The following ZNF703 variants were observed in gnomAD, a reference collection of about 807,000 sequenced individuals.
ZNF703 encodes zinc finger protein 703.
ZNF703 carries 18 observed loss-of-function variants against 30.7 expected under a neutral mutation model. The observed-to-expected ratio is 0.59, with a 90% confidence interval of 0.40 to 0.87. The LOEUF (loss-of-function observed/expected upper bound fraction) is 0.87, where lower values mean the gene tolerates loss of function less well. Ranked by LOEUF, ZNF703 falls within the 40% of genes least tolerant of loss-of-function variation. The probability of loss-of-function intolerance (pLI) is 0.00; values close to 1 mark genes in which losing one functional copy is unlikely to be tolerated. For synonymous variants in ZNF703, 457 were observed against 438.6 expected (o/e 1.04, Z -0.52); for missense variants, 814 against 847.8 (o/e 0.96, Z 0.50).
chr8:37,695,921 C>G lies in ZNF703; in HGVS notation c.-59C>G. 1.5e-6 allele frequency: 2 copies of G among 1,319,526 alleles called. No individual in the cohort carries two copies. The highest frequency in any genetic ancestry group is 2.0e-6 in the Non-Finnish European group (2 of 1,004,236). The allele number at this position is 1,319,526 out of a possible 1,614,324, so 81.7% of individuals were successfully genotyped here. ...GGAGCGAGCCCACCCGCCCCGGGAG[C>G]TCGCCTCCCCGGTGCTCCCCCGCCC... On this transcript the variant is annotated 5_prime_UTR_variant, in exon 1 of 2. Coordinates refer to ENST00000331569, the MANE Select transcript of ZNF703 (RefSeq NM_025069.3).
In ZNF703 at chr8:37,696,354, G is replaced by C. The variant is rs1458552325; in HGVS notation, c.243+132G>C. 1 of 1,400,022 alleles carries C rather than the reference G, an allele frequency of 7.1e-7. No individual in the cohort carries two copies. The highest frequency in any genetic ancestry group is 9.4e-7 in the Non-Finnish European group (1 of 1,067,156). The allele number at this position is 1,400,022 out of a possible 1,614,324, so 86.7% of individuals were successfully genotyped here. On this transcript the variant is annotated intron_variant, in intron 1 of 1. Transcript: ENST00000331569. The surrounding 1 kb of genome is among the most constrained non-coding windows in gnomAD (Gnocchi z 8.2). ...TGGTCACGCTGGCGGGCTGAGTGAG[G>C]AGGGGAAGAAAACCGAGGGATCAGA...
In ZNF703 at chr8:37,698,652, C is replaced by T. The variant is rs145720114; in HGVS notation, c.1751C>T (p.Ala584Val). The part of the protein sequence containing the change: ...YALYGQRLAS[A>V]SALGYQ ...CTGTATGGACAGAGACTAGCTTCAG[C>T]CTCGGCGCTGGGATACCAGTAACTA... is the stretch of plus-strand genomic sequence containing the variant. The change falls in exon 2 of 2, where the codon GCC becomes GTC. Residue 584 changes from alanine (A) to valine (V), a missense_variant. Ala to Val is a moderately conservative substitution (Grantham distance 64). Transcript: ENST00000331569. 20 of 1,478,854 alleles carry T rather than the reference C, an allele frequency of 1.4e-5. No individual in the cohort carries two copies. In the South Asian group the frequency reaches 2.2e-4, roughly 17 times the overall value. The allele number at this position is 1,478,854 out of a possible 1,614,324, so 91.6% of individuals were successfully genotyped here.
Position 37,695,997 on chromosome 8 carries a change from T to C in ZNF703, c.18T>C (p.Ala6=). The C allele has an allele frequency of 1.4e-6, 2 of 1,473,054 alleles. No individual in the cohort carries two copies. The highest frequency in any genetic ancestry group is 1.8e-6 in the Non-Finnish European group (2 of 1,101,100). 91.2% of individuals were successfully genotyped at this position (1,473,054 alleles called of 1,614,324 possible). A position where few individuals can be genotyped will look rare whatever the true frequency, so the allele number is the denominator to read the frequency against. MSDSP[A]GSNPRTPESS... ...TCCTCCAAATGAGCGATTCGCCCGC[T>C]GGATCTAACCCAAGGACACCCGAAA... is the stretch of plus-strand genomic sequence containing the variant. The change falls in exon 1 of 2, where the codon GCT becomes GCC. Residue 6 remains alanine (A), a synonymous_variant. Coordinates refer to ENST00000331569, the MANE Select transcript of ZNF703 (RefSeq NM_025069.3).
rs899202337 is a variant in ZNF703 at position 37,697,346 on chromosome 8, G to A, written c.445G>A (p.Glu149Lys). ...ALKQLGDSPA[E>K]DKSSFKPYSK... Reference sequence around the variant, plus strand: ...GAAGCAGCTGGGGGACTCACCGGCCGAGGACAAGTCCAGCTTCAAGCCCTA... The same window carrying A: ...GAAGCAGCTGGGGGACTCACCGGCCAAGGACAAGTCCAGCTTCAAGCCCTA... Residue 149 changes from glutamate to lysine, a missense_variant, in exon 2 of 2, where the codon GAG becomes AAG. Transcript: ENST00000331569. 3 of 1,559,660 alleles carry A rather than the reference G, an allele frequency of 1.9e-6. No homozygotes were observed. The highest frequency in any genetic ancestry group is 2.8e-5 in the African/African-American group (2 of 72,630).
rs898315111 is a variant in ZNF703 at position 37,698,911 on chromosome 8, C to T, written c.*237C>T. 8 of 389,272 alleles carry T rather than the reference C, an allele frequency of 2.1e-5. No homozygotes were observed. Among genetic ancestry groups the T allele is most frequent in the Non-Finnish European group, 3.2e-5 (7 of 221,616 alleles). 24.1% of individuals were successfully genotyped at this position (389,272 alleles called of 1,614,324 possible). A position where few individuals can be genotyped will look rare whatever the true frequency, so the allele number is the denominator to read the frequency against. On this transcript the variant is annotated 3_prime_UTR_variant, in exon 2 of 2. Coordinates refer to ENST00000331569, the MANE Select transcript of ZNF703 (RefSeq NM_025069.3). ...GGTATGCAAAAAGTCTGTGTTCTCC[C>T]AAATAATAATATTAATCCCACAAAT...
chr8:37,698,020 G>T lies in ZNF703; in HGVS notation c.1119G>T (p.Gln373His). The T allele has an allele frequency of 6.4e-7, 1 of 1,557,244 alleles. No individual in the cohort carries two copies. The highest frequency in any genetic ancestry group is 1.3e-5 in the African/African-American group (1 of 74,074). The change falls in exon 2 of 2, where the codon CAG (glutamine) becomes CAT (histidine). Residue 373 changes from glutamine (Q) to histidine (H), a missense_variant. Gln to His is a conservative substitution (Grantham distance 24). Coordinates refer to ENST00000331569, the MANE Select transcript of ZNF703 (RefSeq NM_025069.3). ...LTGASPPSFL[Q>H]GLCRDPYCLG... Reference sequence around the variant, plus strand: ...GGGCCTCCCCGCCCTCCTTCCTGCAGGGATTATGCCGCGACCCCTATTGCT... The same window carrying T: ...GGGCCTCCCCGCCCTCCTTCCTGCATGGATTATGCCGCGACCCCTATTGCT...
At position 37,696,155 on chromosome 8, in the gene ZNF703, A is replaced by G. The variant is rs1472515264; in HGVS notation, c.176A>G (p.His59Arg). 6.2e-7 allele frequency: 1 copy of G among 1,612,052 alleles called. No individual in the cohort carries two copies. ...AGGGTCCTGAAGATGCTGAGCGCTCACACCGGTCACCTCCTGCACCCGGAG... is the reference window on the plus strand; with the variant it reads ...AGGGTCCTGAAGATGCTGAGCGCTCGCACCGGTCACCTCCTGCACCCGGAG... ...PIRVLKMLSA[H>R]TGHLLHPEYL... Residue 59 changes from histidine to arginine, a missense_variant, in exon 1 of 2, where the codon CAC becomes CGC. Physicochemically the swap from His to Arg is conservative, Grantham distance 29 (BLOSUM62 0). Coordinates refer to ENST00000331569, the MANE Select transcript of ZNF703 (RefSeq NM_025069.3). This position sits in a 1 kb window ranked among gnomAD's most constrained non-coding sequence, Gnocchi z 8.2.
At position 37,699,699 on chromosome 8, in the gene ZNF703, G is replaced by A. The variant is rs890617304; in HGVS notation, c.*1025G>A. On this transcript the variant is annotated 3_prime_UTR_variant, in exon 2 of 2. Transcript: ENST00000331569. ...GCAACGACCCCTCCCCTGGCAGTAG[G>A]GGTGGGGTAGGTGACTCTCGCTAGA... 6.6e-6 allele frequency: 1 copy of A among 152,314 alleles called. No homozygotes were observed. Among genetic ancestry groups the A allele is most frequent in the Non-Finnish European group, 1.5e-5 (1 of 68,124 alleles). The allele number at this position is 152,314 out of a possible 1,614,324, so 9.4% of individuals were successfully genotyped here. A position where few individuals can be genotyped will look rare whatever the true frequency, so the allele number is the denominator to read the frequency against.
chr8:37,697,086 C>T (rs1194250169), intron 1 of ZNF703, 59 bp from the exon 2 acceptor site: 2 of 1,427,436 alleles, frequency 1.4e-6, no homozygotes, highest in Admixed American at 2.9e-5. Flanking sequence ...CGCCCCCGCT[C>T]GCCCCGCAGG....
In ZNF703 at chr8:37,697,300, C is replaced by G. The variant is rs750706885; in HGVS notation, c.399C>G (p.Ala133=). The G allele has an allele frequency of 6.4e-7, 1 of 1,565,840 alleles. No individual in the cohort carries two copies. The highest frequency in any genetic ancestry group is 8.6e-7 in the Non-Finnish European group (1 of 1,157,962). The change falls in exon 2 of 2, where the codon GCC becomes GCG. Residue 133 remains alanine, a synonymous_variant. Transcript: ENST00000331569. The part of the protein sequence containing the change: ...EKDPGRSAPG[A]ASAAAALKQL... ...ACCCCGGCCGCTCAGCCCCGGGCGC[C>G]GCCTCCGCAGCCGCGGCCCTGAAGC...
rs1802121830 is a variant in ZNF703, at chr8:37,698,816, G to A, written c.*142G>A. The A allele has an allele frequency of 3.1e-6, 2 of 640,336 alleles. No homozygotes were observed. Among genetic ancestry groups the A allele is most frequent in the Non-Finnish European group, 4.6e-6 (2 of 435,288 alleles). 39.7% of individuals were successfully genotyped at this position (640,336 alleles called of 1,614,324 possible). ...ACCCAGCCCTTCCCCACCGGACTGT[G>A]TATTTATTTACTATAATGTTAGCTT... On this transcript the variant is annotated 3_prime_UTR_variant, in exon 2 of 2. Coordinates refer to ENST00000331569, the MANE Select transcript of ZNF703 (RefSeq NM_025069.3).
rs759862920 is a variant in ZNF703, at chr8:37,696,022, A to AGCAGCGGCAGCG, written c.52_63dup (p.Ser18_Gly21dup). ...TGGATCTAACCCAAGGACACCCGAA[A>AGCAGCGGCAGCG]GCAGCGGCAGCGGCAGCGGCGGCGG... On this transcript the variant is annotated inframe_insertion, in exon 1 of 2. Transcript: ENST00000331569. The surrounding 1 kb of genome is among the most constrained non-coding windows in gnomAD (Gnocchi z 8.2). 2 of 1,546,418 alleles carry AGCAGCGGCAGCG rather than the reference A, an allele frequency of 1.3e-6. No individual in the cohort carries two copies. Among genetic ancestry groups the AGCAGCGGCAGCG allele is most frequent in the Non-Finnish European group, 8.7e-7 (1 of 1,146,338 alleles).
In ZNF703 at chr8:37,696,597, GGTCCCACTTCGCCTCT is replaced by G. The variant is rs1563298569; in HGVS notation, c.243+382_243+397del. Among the ~76,000 whole-genome samples the G allele has an allele frequency of 6.6e-6, 1 of 152,098 alleles. No homozygotes were observed. The highest frequency in any genetic ancestry group is 1.9e-4 in the East Asian group (1 of 5,164). On this transcript the variant is annotated intron_variant, in intron 1 of 1. Coordinates refer to ENST00000331569, the MANE Select transcript of ZNF703 (RefSeq NM_025069.3). The surrounding 1 kb of genome is among the most constrained non-coding windows in gnomAD (Gnocchi z 8.2). ...TTTTCTTTGAAGCCCTGGCTGCCCG[GGTCCCACTTCGCCTCT>G]GTCCCATCCGGTGAGGGCGCACGGC... is the stretch of plus-strand genomic sequence containing the variant.
Position 37,697,891 on chromosome 8 carries a change from C to G in ZNF703, c.990C>G (p.Phe330Leu), listed in dbSNP as rs779513091. Residue 330 changes from phenylalanine to leucine, a missense_variant, in exon 2 of 2, where the codon TTC (phenylalanine) becomes TTG (leucine). Transcript: ENST00000331569. Reference protein sequence around the residue: ...VGAYAGYPSQFVPGLDPSKSG... With the variant: ...VGAYAGYPSQLVPGLDPSKSG... ...CCTACGCCGGCTACCCGTCTCAGTT[C>G]GTGCCTGGCCTGGATCCTAGCAAGT... The G allele has an allele frequency of 6.4e-7, 1 of 1,555,212 alleles. No homozygotes were observed. The highest frequency in any genetic ancestry group is 1.2e-5 in the South Asian group (1 of 85,516).
Position 37,696,554 on chromosome 8 carries a change from GC to G in ZNF703, c.243+338del, listed in dbSNP as rs768871843. Among the ~76,000 whole-genome samples the G allele has an allele frequency of 1.3e-5, 2 of 152,064 alleles. No homozygotes were observed. The highest frequency in any genetic ancestry group is 2.9e-5 in the Non-Finnish European group (2 of 67,994). On this transcript the variant is annotated intron_variant, in intron 1 of 1. Transcript: ENST00000331569. The surrounding 1 kb of genome is among the most constrained non-coding windows in gnomAD (Gnocchi z 8.2). ...AGTTGGTCTCTGCTGGGTCTTCCCC[GC>G]CCCCCACGCCGGGCTGTTTTCTTTG...
chr8:37,696,081 C>T lies in ZNF703; in HGVS notation c.102C>T (p.Ser34=), dbSNP rs1473510859. ...GGCCGGCGGTGCCGGCAGCGGTGTCCCTCTTGCCACCGGCGGACCCCCTGC... is the reference window on the plus strand; with the variant it reads ...GGCCGGCGGTGCCGGCAGCGGTGTCTCTCTTGCCACCGGCGGACCCCCTGC... The part of the protein sequence containing the change: ...GKRPAVPAAV[S]LLPPADPLRQ... The change falls in exon 1 of 2, where the codon TCC becomes TCT. Residue 34 remains serine, a synonymous_variant. Transcript: ENST00000331569. This position sits in a 1 kb window ranked among gnomAD's most constrained non-coding sequence, Gnocchi z 8.2. The T allele has an allele frequency of 6.3e-7, 1 of 1,576,774 alleles. No individual in the cohort carries two copies. Among genetic ancestry groups the T allele is most frequent in the Non-Finnish European group, 8.6e-7 (1 of 1,161,138 alleles).
In ZNF703 at chr8:37,697,831, C is replaced by T. The variant is rs764020590; in HGVS notation, c.930C>T (p.Pro310=). The part of the protein sequence containing the change: ...KPGHSVFPLP[P]SSIGYHGSIV... ...GCCACTCGGTGTTCCCGCTGCCGCC[C>T]TCCAGCATTGGCTACCACGGCTCCA... is the stretch of plus-strand genomic sequence containing the variant. Residue 310 remains proline, a synonymous_variant, in exon 2 of 2, where the codon CCC becomes CCT. Transcript: ENST00000331569. 8 of 1,536,204 alleles carry T rather than the reference C, an allele frequency of 5.2e-6. No homozygotes were observed. The highest frequency in any genetic ancestry group is 2.4e-5 in the East Asian group (1 of 40,942).
chr8:37,695,945 C>CCCA lies in ZNF703; in HGVS notation c.-34_-33insCAC. 2 of 1,448,118 alleles carry CCCA rather than the reference C, an allele frequency of 1.4e-6. No individual in the cohort carries two copies. The highest frequency in any genetic ancestry group is 9.1e-7 in the Non-Finnish European group (1 of 1,095,362). 89.7% of individuals were successfully genotyped at this position (1,448,118 alleles called of 1,614,324 possible). A position where few individuals can be genotyped will look rare whatever the true frequency, so the allele number is the denominator to read the frequency against. ...GCTCGCCTCCCCGGTGCTCCCCCGC[C>CCCA]CTCCCCGCCCCCCCAGCGGCGCTGC... On this transcript the variant is annotated 5_prime_UTR_variant, in exon 1 of 2. Coordinates refer to ENST00000331569, the MANE Select transcript of ZNF703 (RefSeq NM_025069.3).
In ZNF703 at chr8:37,698,434, C is replaced by A; in HGVS notation, c.1533C>A (p.Ala511=). Residue 511 remains alanine, a synonymous_variant, in exon 2 of 2, where the codon GCC becomes GCA. Coordinates refer to ENST00000331569, the MANE Select transcript of ZNF703 (RefSeq NM_025069.3). The stretch of plus-strand genomic sequence containing the variant: ...TGGGCAGCGCCGCCGCCGCCGCCGC[C>A]GCCGCCGCCTCCTGCCATCTGCACC... The part of the protein sequence containing the change: ...SGLGSAAAAA[A]AAASCHLHLP... 6.8e-7 allele frequency: 1 copy of A among 1,479,220 alleles called. No homozygotes were observed. Among genetic ancestry groups the A allele is most frequent in the South Asian group, 1.3e-5 (1 of 75,392 alleles). The allele number at this position is 1,479,220 out of a possible 1,614,324, so 91.6% of individuals were successfully genotyped here.
Sources: gnomAD v4.1 joint callset for allele counts (sites outside exome capture counted in the v4.1 genomes callset) on GRCh38, gnomAD v4.1.1 for gene constraint, Gnocchi (gnomAD v3.1) non-coding constraint, MANE v1.5 for transcripts, NCBI Gene and HGNC (gene_info 2026-07-23, HGNC 2026-07-21) for gene names.